The following SLC10A6 variants were observed in gnomAD, a reference collection of about 807,000 sequenced individuals.
SLC10A6 encodes the protein solute carrier family 10 member 6, also known as sodium-dependent organic anion transporter.
In SLC10A6, 27 loss-of-function variants were observed where a neutral mutation model predicts 30.0. That is an observed-to-expected ratio of 0.90 (90% CI 0.66 to 1.24). The LOEUF (loss-of-function observed/expected upper bound fraction) is 1.24. Among genes scored for constraint, SLC10A6 ranks in the 50% most tolerant of loss-of-function variants. The pLI, the probability that SLC10A6 is intolerant of heterozygous loss-of-function variation, is 0.00. For synonymous variants in SLC10A6, 166 were observed against 173.8 expected (o/e 0.95, Z 0.36); for missense variants, 439 against 457.0 (o/e 0.96, Z 0.36).
Position 86,849,361 on chromosome 4 carries a change from T to C in SLC10A6, c.-246A>G, listed in dbSNP as rs1013075472. The C allele has an allele frequency of 4.9e-5, 25 of 505,876 alleles. No homozygotes were observed. The highest frequency in any genetic ancestry group is 8.4e-5 in the Non-Finnish European group (24 of 286,014). 31.3% of individuals were successfully genotyped at this position (505,876 alleles called of 1,614,324 possible). On this transcript the variant is annotated 5_prime_UTR_variant, in exon 1 of 6. Transcript: ENST00000273905. ...TAAGTAAGGCTTTCCACTTCTGTTC[T>C]TACTCACCACTGAATATGTATGTGA...
chr4:86,842,882 T>TTCTTTCTTTCTTTCTTTC (rs1204833862), intron 1 of SLC10A6, among the ~76,000 whole-genome samples: 1 of 98,736 alleles, frequency 1.0e-5, no homozygotes, highest in Non-Finnish European at 2.1e-5. Context: ...TTCTTTTTTT[T>TTCTTTCTTTCTTTCTTTC]TTTGAGATGG....
chr4:86,846,669 C>T (rs1009541226), intron 1 of SLC10A6, among the ~76,000 whole-genome samples: 11 of 151,938 alleles, frequency 7.2e-5, no homozygotes, highest in African/African-American at 2.7e-4. Context: ...GAGGTTGCAG[C>T]GAGCCGAGAT....
intron 1 of SLC10A6, among the ~76,000 whole-genome samples, chr4:86,841,820 T>C (rs889956188): frequency 3.3e-5 from 5 of 152,128 alleles, no homozygotes; most frequent in Non-Finnish European, 5.9e-5. Context: ...AAATAAAAAA[T>C]TATCCAGCTA....
chr4:86,841,571 A>G (rs1208312565), intron 1 of SLC10A6, among the ~76,000 whole-genome samples: 1 of 152,222 alleles, frequency 6.6e-6, no homozygotes, highest in Admixed American at 6.5e-5. Context: ...CATCATCTCC[A>G]AACTATTACA....
Position 86,824,955 on chromosome 4 carries a change from G to A in SLC10A6, c.919+465C>T, listed in dbSNP as rs924504855. Reference sequence around the variant, plus strand: ...TATATATTTCAATATTTGTATATGTGTAATATTTAATATTTGAAAAACATT... The same window carrying A: ...TATATATTTCAATATTTGTATATGTATAATATTTAATATTTGAAAAACATT... On this transcript the variant is annotated intron_variant, in intron 5 of 5. Transcript: ENST00000273905. Among the ~76,000 whole-genome samples the A allele has an allele frequency of 3.2e-4, 48 of 152,294 alleles. 1 individual carries two copies. Among genetic ancestry groups the A allele is most frequent in the East Asian group, 1.9e-4 (1 of 5,188 alleles).
intron 5 of SLC10A6, among the ~76,000 whole-genome samples, chr4:86,824,407 T>C (rs754938284): frequency 6.6e-6 from 1 of 152,170 alleles, no homozygotes; most frequent in Non-Finnish European, 1.5e-5. Context: ...CTGATATTGT[T>C]ATATTGATTG....
At chr4:86,843,184 A>C (rs1314459450) in intron 1 of SLC10A6, among the ~76,000 whole-genome samples, 2 of 150,646 alleles carry the variant, frequency 1.3e-5, no homozygotes, top group Non-Finnish European at 2.9e-5. Flanking sequence ...ACCTCTTTTG[A>C]GGGTTGTTTT....
At chr4:86,831,600 T>C (rs10049558) in intron 3 of SLC10A6, among the ~76,000 whole-genome samples, 192 bp downstream of exon 3, 8,026 of 152,250 alleles carry the variant, frequency 0.053, 614 homozygotes, top group African/African-American at 0.17. Context: ...TACAGAACTA[T>C]GGGAGTGGCA....
At chr4:86,842,857 TC>T (rs1746325526) in intron 1 of SLC10A6, among the ~76,000 whole-genome samples, 4 of 56,312 alleles carry the variant, frequency 7.1e-5, no homozygotes, top group African/African-American at 1.7e-4. Context: ...TTTCTTTCTT[TC>T]TTTCTTTCTT....
intron 4 of SLC10A6, 52 bp from the exon 5 acceptor site, chr4:86,825,629 C>A: frequency 1.3e-6 from 2 of 1,503,888 alleles, no homozygotes; most frequent in Admixed American, 1.8e-5. Context: ...AAGAACTATT[C>A]TAATATTTTC....
Position 86,848,959 on chromosome 4 carries a change from C to A in SLC10A6, c.157G>T (p.Val53Leu). 1 of 1,614,156 alleles carries A rather than the reference C, an allele frequency of 6.2e-7. No homozygotes were observed. Among genetic ancestry groups the A allele is most frequent in the Non-Finnish European group, 8.5e-7 (1 of 1,180,010 alleles). The change falls in exon 1 of 6, where the codon GTG (valine) becomes TTG (leucine). Residue 53 changes from valine to leucine, a missense_variant. Transcript: ENST00000273905. ...GLLMFSLGCS[V>L]EIRKLWSHIR... ...TGCGACCACAGCTTCCGGATCTCCA[C>A]GGAACATCCCAAAGAGAACATGAGC...
chr4:86,828,722 A>T (rs1746036202), intron 3 of SLC10A6, among the ~76,000 whole-genome samples: 1 of 152,154 alleles, frequency 6.6e-6, no homozygotes, highest in African/African-American at 2.4e-5. Context: ...CACATGAGAA[A>T]TACTGATGGA....
intron 1 of SLC10A6, among the ~76,000 whole-genome samples, chr4:86,847,594 A>G (rs1746414963): frequency 6.6e-6 from 1 of 152,176 alleles, no homozygotes; most frequent in South Asian, 2.1e-4. Context: ...GTAAACAAAA[A>G]CACTGCCTTG....
rs201421765 is a variant in SLC10A6 at position 86,828,129 on chromosome 4, C to T, written c.625G>A (p.Ala209Thr). Reference protein sequence around the residue: ...VVGGVLLLVVAVAGVVLAKGS... With the variant: ...VVGGVLLLVVTVAGVVLAKGS... The stretch of plus-strand genomic sequence containing the variant: ...TTCGCCAGGACCACACCAGCAACTG[C>T]GACCACCAGAAGGAGGACCCCACCA... Residue 209 changes from alanine to threonine, a missense_variant, in exon 4 of 6, where the codon GCA becomes ACA. By Grantham distance (58) the Ala-to-Thr change is moderately conservative. Transcript: ENST00000273905. The T allele has an allele frequency of 4.1e-5, 66 of 1,613,544 alleles. No homozygotes were observed. Among genetic ancestry groups the T allele is most frequent in the South Asian group, 3.3e-5 (3 of 90,986 alleles).
intron 3 of SLC10A6, among the ~76,000 whole-genome samples, chr4:86,829,994 G>A (rs148357579): frequency 4.1e-4 from 63 of 152,320 alleles, no homozygotes; most frequent in African/African-American, 1.4e-3. Flanking sequence ...CAAAGATAGA[G>A]TACTTGAAAA....
chr4:86,846,926 T>C (rs1008378236), intron 1 of SLC10A6, among the ~76,000 whole-genome samples: 2 of 152,220 alleles, frequency 1.3e-5, no homozygotes, highest in Middle Eastern at 3.2e-3. Context: ...AGTAGCTTTA[T>C]CTTTCATAGG....
At chr4:86,842,886 G>A (rs1461439076) in intron 1 of SLC10A6, among the ~76,000 whole-genome samples, 5 of 70,720 alleles carry the variant, frequency 7.1e-5, no homozygotes, top group African/African-American at 4.5e-5. Context: ...TTTTTTTTTT[G>A]AGATGGAGTC....
At chr4:86,839,903 A>T (rs950076067) in intron 1 of SLC10A6, among the ~76,000 whole-genome samples, 6 of 142,238 alleles carry the variant, frequency 4.2e-5, no homozygotes, top group East Asian at 2.1e-4. Context: ...TTACACTCTT[A>T]TTTTTTTTTT....
chr4:86,846,897 G>A (rs1746402684), intron 1 of SLC10A6, among the ~76,000 whole-genome samples: 1 of 152,138 alleles, frequency 6.6e-6, no homozygotes, highest in Admixed American at 6.5e-5. Context: ...AAAGATAAGA[G>A]TTGGCAAAAG....
Sources: allele counts gnomAD v4.1 joint callset (sites outside exome capture counted in the v4.1 genomes callset), GRCh38; gene constraint gnomAD v4.1.1; transcripts MANE v1.5; gene names NCBI Gene and HGNC (gene_info 2026-07-23, HGNC 2026-07-21).